Variants in CLSTN2 observed in about 807,000 individuals in gnomAD.
CLSTN2 encodes calsyntenin 2.
A neutral mutation model predicts 101.2 loss-of-function variants in CLSTN2; 48 were observed. The ratio of observed to expected loss-of-function variants is 0.47; its 90% confidence interval spans 0.38 to 0.60. The LOEUF (loss-of-function observed/expected upper bound fraction) is 0.60, where lower values mean the gene tolerates loss of function less well. Among genes scored for constraint, CLSTN2 ranks in the 20% least tolerant of loss-of-function variants. The pLI is 0.00. For synonymous variants in CLSTN2, 481 were observed against 463.6 expected (o/e 1.04, Z -0.48); for missense variants, 1,160 against 1,238.2 (o/e 0.94, Z 0.95).
intron 2 of CLSTN2, among the ~76,000 whole-genome samples, chr3:140,278,056 C>T (rs1393900388): frequency 6.6e-6 from 1 of 152,164 alleles, no homozygotes; most frequent in African/African-American, 2.4e-5. Flanking sequence ...CTAGCTGCCC[C>T]CTGAAGTGTC....
At position 139,951,799 on chromosome 3, in the gene CLSTN2, C is replaced by T. The variant is rs557500471; in HGVS notation, c.109+16316C>T. On this transcript the variant is annotated intron_variant, in intron 1 of 16. Coordinates refer to ENST00000458420, the MANE Select transcript of CLSTN2 (RefSeq NM_022131.3). ...AATAACATCATTTGATGTTTATAGT[C>T]CAGTGGATTAGACTCCAGCAAACTG... Among the ~76,000 whole-genome samples, 3 of 152,242 alleles carry T rather than the reference C, an allele frequency of 2.0e-5. No homozygotes were observed. In the South Asian group the frequency reaches 6.2e-4, roughly 32 times the overall value.
chr3:140,239,739 A>C (rs1183156744), intron 2 of CLSTN2, among the ~76,000 whole-genome samples: 1 of 152,152 alleles, frequency 6.6e-6, no homozygotes, highest in African/African-American at 2.4e-5. Flanking sequence ...TGATGTGTAC[A>C]CATTATCAAT....
intron 10 of CLSTN2, among the ~76,000 whole-genome samples, chr3:140,552,859 G>A (rs1935730177): frequency 6.6e-6 from 1 of 152,194 alleles, no homozygotes; most frequent in African/African-American, 2.4e-5. Context: ...TAGGAGGATG[G>A]TGCAGGGGAT....
At chr3:140,499,909 CA>C (rs1027111250) in intron 8 of CLSTN2, among the ~76,000 whole-genome samples, 1 of 151,552 alleles carries the variant, frequency 6.6e-6, no homozygotes, top group Non-Finnish European at 1.5e-5. Context: ...CTAAAAAATA[CA>C]AAAAAAATTA....
intron 2 of CLSTN2, among the ~76,000 whole-genome samples, chr3:140,342,258 G>A (rs934129535): frequency 2.0e-4 from 30 of 151,992 alleles, no homozygotes; most frequent in African/African-American, 7.0e-4. Context: ...GCAGCACCCC[G>A]GCCCCTGCCC....
intron 2 of CLSTN2, among the ~76,000 whole-genome samples, chr3:140,196,100 G>A (rs188673063): frequency 4.7e-4 from 72 of 152,300 alleles, no homozygotes; most frequent in African/African-American, 1.6e-3. Context: ...AGAATCCAAA[G>A]GCATCTTTCG....
chr3:140,268,559 G>C (rs369142780), intron 2 of CLSTN2, among the ~76,000 whole-genome samples: 1 of 152,328 alleles, frequency 6.6e-6, no homozygotes, highest in Admixed American at 6.5e-5. Context: ...GAAAATGATA[G>C]CTTTCCCAGG....
chr3:140,350,196 G>A (rs1401872954), intron 2 of CLSTN2, among the ~76,000 whole-genome samples: 2 of 152,224 alleles, frequency 1.3e-5, no homozygotes, highest in Non-Finnish European at 2.9e-5. Flanking sequence ...AGGCTGAATG[G>A]AGCACATTTC....
At chr3:140,038,075 C>T (rs1283320670) in intron 1 of CLSTN2, among the ~76,000 whole-genome samples, 3 of 152,130 alleles carry the variant, frequency 2.0e-5, no homozygotes, top group Non-Finnish European at 4.4e-5. Flanking sequence ...AATGGGATTG[C>T]TGGGTCAAAT....
intron 2 of CLSTN2, among the ~76,000 whole-genome samples, chr3:140,257,561 G>GGTGTGT (rs397877641): frequency 4.1e-3 from 386 of 93,052 alleles, no homozygotes; most frequent in Admixed American, 8.6e-3. Context: ...TCTTTCTAGG[G>GGTGTGT]GTGTGTGTGT....
intron 1 of CLSTN2, among the ~76,000 whole-genome samples, chr3:140,134,247 TC>T (rs1034955847): frequency 1.3e-5 from 2 of 152,118 alleles, no homozygotes; most frequent in African/African-American, 4.8e-5. Context: ...ATCCCTCCTC[TC>T]CCCCTATGTG....
chr3:140,317,964 G>T (rs114321932), intron 2 of CLSTN2, among the ~76,000 whole-genome samples: 1,566 of 152,268 alleles, frequency 0.01, 27 homozygotes, highest in African/African-American at 0.035. Context: ...GTGCCCGCTG[G>T]TGTCATGCAC....
chr3:140,184,671 G>T (rs772381347), intron 2 of CLSTN2, among the ~76,000 whole-genome samples: 3 of 152,120 alleles, frequency 2.0e-5, no homozygotes, highest in Admixed American at 1.3e-4. Flanking sequence ...TAAAGGGCGT[G>T]GGGGGTAGGG....
chr3:140,218,568 C>T (rs550387095), intron 2 of CLSTN2, among the ~76,000 whole-genome samples: 5 of 152,068 alleles, frequency 3.3e-5, no homozygotes, highest in African/African-American at 7.2e-5. Flanking sequence ...CAAGAGGAAC[C>T]TAAGTAGATA....
chr3:140,303,828 T>C (rs995713055), intron 2 of CLSTN2, among the ~76,000 whole-genome samples: 1 of 151,874 alleles, frequency 6.6e-6, no homozygotes, highest in Non-Finnish European at 1.5e-5. Context: ...AGACCAGCCA[T>C]GACCAGGAAT....
chr3:139,944,739 C>G lies in CLSTN2; in HGVS notation c.109+9256C>G, dbSNP rs538122331. Among the ~76,000 whole-genome samples the G allele has an allele frequency of 2.0e-5, 3 of 152,344 alleles. No individual in the cohort carries two copies. In the South Asian group the frequency reaches 6.2e-4, roughly 32 times the overall value. On this transcript the variant is annotated intron_variant, in intron 1 of 16. Coordinates refer to ENST00000458420, the MANE Select transcript of CLSTN2 (RefSeq NM_022131.3). ...CTGCAAATCCTGCAGGGCTCTGTGC[C>G]CATGTACCTTCTCCCGTCAGCACTG...
At chr3:140,525,216 C>T (rs1348176758) in intron 8 of CLSTN2, among the ~76,000 whole-genome samples, 2 of 152,022 alleles carry the variant, frequency 1.3e-5, no homozygotes, top group Non-Finnish European at 2.9e-5. Flanking sequence ...TTAACAAATA[C>T]AGAGAGAAGA....
At chr3:140,471,235 A>G (rs532942166) in intron 8 of CLSTN2, among the ~76,000 whole-genome samples, 1 of 152,284 alleles carries the variant, frequency 6.6e-6, no homozygotes, top group African/African-American at 2.4e-5. Flanking sequence ...GGATAGGTTG[A>G]CTAACTTGCA....
At chr3:140,378,212 T>C (rs1053018407) in intron 2 of CLSTN2, among the ~76,000 whole-genome samples, 2 of 152,216 alleles carry the variant, frequency 1.3e-5, no homozygotes, top group East Asian at 3.8e-4. Context: ...TTTCTTCAAA[T>C]GTATCCCTAT....
Sources: allele counts gnomAD v4.1 joint callset (sites outside exome capture counted in the v4.1 genomes callset), GRCh38; gene constraint gnomAD v4.1.1; transcripts MANE v1.5; gene names NCBI Gene and HGNC (gene_info 2026-07-23, HGNC 2026-07-21).